Variants in GSG1L observed in about 807,000 individuals in gnomAD.
The protein encoded by GSG1L is germ cell-specific gene 1-like protein.
In GSG1L, 24 loss-of-function variants were observed where a neutral mutation model predicts 42.1. That is an observed-to-expected ratio of 0.57 (90% CI 0.41 to 0.80). The LOEUF (loss-of-function observed/expected upper bound fraction) is 0.80. Among genes scored for constraint, GSG1L ranks in the 30% least tolerant of loss-of-function variants. GSG1L has a pLI of 0.00. For synonymous variants in GSG1L, 215 were observed against 203.5 expected (o/e 1.06, Z -0.48); for missense variants, 445 against 472.2 (o/e 0.94, Z 0.53).
intron 1 of GSG1L, among the ~76,000 whole-genome samples, chr16:28,002,659 G>A (rs190025308): frequency 1.1e-4 from 16 of 151,952 alleles, no homozygotes; most frequent in African/African-American, 1.9e-4. Context: ...GGCCAGGCGC[G>A]GTGGCTCACG....
intron 3 of GSG1L, among the ~76,000 whole-genome samples, chr16:27,869,649 C>CTGCG (rs1436937979): frequency 1.1e-4 from 16 of 140,048 alleles, no homozygotes; most frequent in Admixed American, 8.9e-4. Flanking sequence ...TCTCTCCTCT[C>CTGCG]TGTCTTCCTC....
At chr16:28,027,815 G>C (rs1218883570) in intron 1 of GSG1L, among the ~76,000 whole-genome samples, 1 of 152,118 alleles carries the variant, frequency 6.6e-6, no homozygotes, top group Non-Finnish European at 1.5e-5. Context: ...GAGCCCAGGA[G>C]TTCAAGACCA....
At chr16:27,865,414 A>T (rs993631833) in intron 3 of GSG1L, among the ~76,000 whole-genome samples, 1 of 151,112 alleles carries the variant, frequency 6.6e-6, no homozygotes, top group Non-Finnish European at 1.5e-5. Flanking sequence ...AGGTCTTCTC[A>T]GCCCCTGGGG....
At chr16:28,053,608 C>T (rs906591139) in intron 1 of GSG1L, among the ~76,000 whole-genome samples, 2 of 152,286 alleles carry the variant, frequency 1.3e-5, no homozygotes, top group South Asian at 2.1e-4. Context: ...CAAGGCGAGG[C>T]GGGAAGGGCC....
chr16:27,937,822 G>A (rs2084735816), intron 2 of GSG1L, among the ~76,000 whole-genome samples: 1 of 152,204 alleles, frequency 6.6e-6, no homozygotes, highest in African/African-American at 2.4e-5. Flanking sequence ...TGTTCGAAGA[G>A]CAGACTTAGA....
intron 5 of GSG1L, among the ~76,000 whole-genome samples, chr16:27,810,345 C>T (rs2083017409): frequency 6.6e-6 from 1 of 152,154 alleles, no homozygotes; most frequent in Non-Finnish European, 1.5e-5. Context: ...TGATGTGTTC[C>T]TGTGGTCCCA....
intron 6 of GSG1L, among the ~76,000 whole-genome samples, chr16:27,794,582 C>T (rs1204417356): frequency 8.5e-5 from 13 of 152,316 alleles, no homozygotes; most frequent in African/African-American, 2.4e-4. Flanking sequence ...CCACCCGCCT[C>T]GGCCTCCCAA....
chr16:28,055,229 C>T (rs1428442414), intron 1 of GSG1L, among the ~76,000 whole-genome samples: 1 of 152,226 alleles, frequency 6.6e-6, no homozygotes, highest in Non-Finnish European at 1.5e-5. Context: ...GATGACAGCT[C>T]ACTGCAGCCT....
At chr16:28,020,138 A>G (rs151169788) in intron 1 of GSG1L, among the ~76,000 whole-genome samples, 223 of 152,340 alleles carry the variant, frequency 1.5e-3, no homozygotes, top group Non-Finnish European at 2.0e-3. Flanking sequence ...CAAAGACTCA[A>G]TGCCTGTTCC....
chr16:27,887,236 A>C (rs1249202643), intron 2 of GSG1L, among the ~76,000 whole-genome samples: 1 of 152,160 alleles, frequency 6.6e-6, no homozygotes, highest in African/African-American at 2.4e-5. Context: ...GACTACAGGC[A>C]TGTGCACCAT....
intron 3 of GSG1L, among the ~76,000 whole-genome samples, chr16:27,882,699 T>C (rs2083974810): frequency 6.6e-6 from 1 of 152,120 alleles, no homozygotes; most frequent in Non-Finnish European, 1.5e-5. Flanking sequence ...ACCCCACTCA[T>C]CCCGACTCCC....
intron 5 of GSG1L, among the ~76,000 whole-genome samples, chr16:27,814,371 C>T (rs2083068956): frequency 6.6e-6 from 1 of 152,144 alleles, no homozygotes; most frequent in African/African-American, 2.4e-5. Context: ...CTTGGCCTTC[C>T]AAAAAGCTGG....
At chr16:27,905,006 A>G (rs944907901) in intron 2 of GSG1L, among the ~76,000 whole-genome samples, 60 of 152,220 alleles carry the variant, frequency 3.9e-4, no homozygotes, top group Non-Finnish European at 1.2e-4. Context: ...TGGGTTTTAC[A>G]TGAAATTTCA....
intron 6 of GSG1L, among the ~76,000 whole-genome samples, chr16:27,795,954 T>C (rs1029511068): frequency 6.6e-6 from 1 of 151,940 alleles, no homozygotes; most frequent in Non-Finnish European, 1.5e-5. Flanking sequence ...CCAAAATGGA[T>C]TCATTGGGTT....
intron 1 of GSG1L, among the ~76,000 whole-genome samples, chr16:27,979,578 A>AG (rs1567542684): frequency 6.9e-6 from 1 of 145,872 alleles, no homozygotes. Context: ...AAAAAAAAAA[A>AG]AAAGAAAGAA....
chr16:27,890,119 C>T (rs1515034), intron 2 of GSG1L, among the ~76,000 whole-genome samples: 57,779 of 152,036 alleles, frequency 0.38, 12,944 homozygotes, highest in East Asian at 0.5. Context: ...TTGTTGCCAC[C>T]GGTCTGGCTG....
intron 3 of GSG1L, among the ~76,000 whole-genome samples, chr16:27,860,963 C>CA (rs2083641571): frequency 1.3e-5 from 2 of 152,336 alleles, no homozygotes; most frequent in Admixed American, 1.3e-4. Context: ...TTCAAATAGG[C>CA]ACTCTCTCCT....
chr16:27,870,713 A>G (rs956705086), intron 3 of GSG1L, among the ~76,000 whole-genome samples: 1 of 151,450 alleles, frequency 6.6e-6, no homozygotes, highest in African/African-American at 2.5e-5. Context: ...CCCTCATGGG[A>G]TGACTCCCCT....
At chr16:27,866,745 T>C (rs966301175) in intron 3 of GSG1L, among the ~76,000 whole-genome samples, 1 of 152,080 alleles carries the variant, frequency 6.6e-6, no homozygotes, top group Non-Finnish European at 1.5e-5. Context: ...TTAATTTATG[T>C]ATTTTTAGTA....
Sources: gnomAD v4.1 joint callset for allele counts (sites outside exome capture counted in the v4.1 genomes callset) on GRCh38, gnomAD v4.1.1 for gene constraint, MANE v1.5 for transcripts, NCBI Gene and HGNC (gene_info 2026-07-23, HGNC 2026-07-21) for gene names.